TRMT1L: variants seen among roughly 807,000 people sequenced by gnomAD.
The protein encoded by TRMT1L is tRNA (guanine(27)-N(2))-dimethyltransferase.
A neutral mutation model predicts 81.6 loss-of-function variants in TRMT1L; 28 were observed. That is an observed-to-expected ratio of 0.34 (90% confidence interval 0.25 to 0.47). The LOEUF is 0.47. Among genes scored for constraint, TRMT1L ranks in the 20% least tolerant of loss-of-function variants. TRMT1L has a pLI of 1.00. For synonymous variants in TRMT1L, 301 were observed against 303.2 expected (o/e 0.99, Z 0.07); for missense variants, 739 against 877.1 (o/e 0.84, Z 1.99).
intron 10 of TRMT1L, among the ~76,000 whole-genome samples, chr1:185,133,601 T>TG (rs2102238841): frequency 6.6e-6 from 1 of 151,750 alleles, no homozygotes; most frequent in East Asian, 2.0e-4. Flanking sequence ...ACTTGCTTTT[T>TG]TTTTTTTTTT....
At position 185,119,023 on chromosome 1, in the gene TRMT1L, G is replaced by A. The variant is rs999830224; in HGVS notation, c.*996C>T. ...CCAAAATCTTATATTCAAATGAAGT[G>A]AGAATTCCATTAAGGAAACAATATT... On this transcript the variant is annotated 3_prime_UTR_variant, in exon 15 of 15. Coordinates refer to ENST00000367506, the MANE Select transcript of TRMT1L (RefSeq NM_030934.5). 2 of 151,528 alleles carry A rather than the reference G, an allele frequency of 1.3e-5. No individual in the cohort carries two copies. Among genetic ancestry groups the A allele is most frequent in the South Asian group, 2.1e-4 (1 of 4,818 alleles). The allele number at this position is 151,528 out of a possible 1,614,324, so 9.4% of individuals were successfully genotyped here. A position where few individuals can be genotyped will look rare whatever the true frequency, so the allele number is the denominator to read the frequency against.
intron 13 of TRMT1L, among the ~76,000 whole-genome samples, chr1:185,122,802 A>C (rs1299462825): frequency 6.7e-6 from 1 of 149,268 alleles, no homozygotes; most frequent in Non-Finnish European, 1.5e-5. Context: ...CTCCCACCTC[A>C]GCCTCTCAAG....
chr1:185,130,764 T>C (rs1363282665), intron 10 of TRMT1L, among the ~76,000 whole-genome samples: 1 of 152,200 alleles, frequency 6.6e-6, no homozygotes, highest in Non-Finnish European at 1.5e-5. Flanking sequence ...CCAGCAGTTT[T>C]AGTTACAGTT....
At position 185,147,213 on chromosome 1, in the gene TRMT1L, C is replaced by T. The variant is rs1653210793; in HGVS notation, c.494G>A (p.Arg165Gln). ...YRMCICHLPCRPVKPNIIGEQ... is the reference protein window; with the variant it reads ...YRMCICHLPCQPVKPNIIGEQ... ...TCCAATAATGTTTGGTTTCACTGGT[C>T]GACAAGGTAAGTGACAGATGCACAT... Residue 165 changes from arginine (R) to glutamine (Q), a missense_variant, in exon 4 of 15, where the codon CGA becomes CAA. Physicochemically the swap from Arg to Gln is conservative, Grantham distance 43. This residue lies in a region of TRMT1L where 331 missense variants were observed against 462.2 expected (regional missense o/e 0.72). Transcript: ENST00000367506. 3 of 1,610,410 alleles carry T rather than the reference C, an allele frequency of 1.9e-6. No homozygotes were observed. The highest frequency in any genetic ancestry group is 1.3e-5 in the African/African-American group (1 of 74,896).
At chr1:185,154,257 A>C (rs191930383) in intron 1 of TRMT1L, among the ~76,000 whole-genome samples, 1 of 152,314 alleles carries the variant, frequency 6.6e-6, no homozygotes, top group African/African-American at 2.4e-5. Flanking sequence ...GTAGTGGCTC[A>C]ATCATAGCTC....
In TRMT1L at chr1:185,125,029, G is replaced by A; in HGVS notation, c.1674C>T (p.Thr558=). The A allele has an allele frequency of 1.2e-6, 2 of 1,613,032 alleles. No individual in the cohort carries two copies. Among genetic ancestry groups the A allele is most frequent in the Non-Finnish European group, 1.7e-6 (2 of 1,179,444 alleles). The change falls in exon 12 of 15, where the codon ACC becomes ACT. Residue 558 remains threonine (T), a synonymous_variant. Transcript: ENST00000367506. ...ATTCAAAGATTAATGTCTTTATTAG[G>A]GTCTGAATGTCATCCAAACCATGGT... ...SLHHGLDDIQ[T]LIKTLIFESE...
In TRMT1L at chr1:185,118,800, T is replaced by A. The variant is rs1440509766; in HGVS notation, c.*1219A>T. 2 of 152,100 alleles carry A rather than the reference T, an allele frequency of 1.3e-5. No individual in the cohort carries two copies. Among genetic ancestry groups the A allele is most frequent in the Non-Finnish European group, 2.9e-5 (2 of 68,000 alleles). The allele number at this position is 152,100 out of a possible 1,614,324, so 9.4% of individuals were successfully genotyped here. On this transcript the variant is annotated 3_prime_UTR_variant, in exon 15 of 15. Transcript: ENST00000367506. ...TTCATCTAATGCCTATCCACTAGAT[T>A]TTTTTGTATATGTCACAGAAGTACT...
chr1:185,137,611 A>G lies in TRMT1L; in HGVS notation c.1508T>C (p.Val503Ala). 1 of 1,613,464 alleles carries G rather than the reference A, an allele frequency of 6.2e-7. No homozygotes were observed. The highest frequency in any genetic ancestry group is 8.5e-7 in the Non-Finnish European group (1 of 1,179,760). Residue 503 changes from valine to alanine, a missense_variant, in exon 10 of 15, where the codon GTA becomes GCA. Val to Ala is a moderately conservative substitution (Grantham distance 64). Around this residue, in one of 4 missense-constraint regions of TRMT1L, gnomAD observed 331 missense variants for 462.2 expected, o/e 0.72. Coordinates refer to ENST00000367506, the MANE Select transcript of TRMT1L (RefSeq NM_030934.5). ...AATATATAACTTGAATTTACCTTCTACCATATTACCATCCTTCTGAAAAAT... is the reference window on the plus strand; with the variant it reads ...AATATATAACTTGAATTTACCTTCTGCCATATTACCATCCTTCTGAAAAAT... ...ERIFQKDGNM[V>A]EENPYRQLPC...
chr1:185,140,053 T>C lies in TRMT1L; in HGVS notation c.1029A>G (p.Glu343=). Residue 343 remains glutamate, a synonymous_variant, in exon 8 of 15, where the codon GAA becomes GAG. Coordinates refer to ENST00000367506, the MANE Select transcript of TRMT1L (RefSeq NM_030934.5). ...EKEKSDDILE[E]GEKNLGNIKV... ...TAATATTACCAAGATTTTTCTCTCC[T>C]TCTTCAAGAATATCATCACTCTTTT... is the stretch of plus-strand genomic sequence containing the variant. The C allele has an allele frequency of 6.2e-7, 1 of 1,613,780 alleles. No homozygotes were observed. Among genetic ancestry groups the C allele is most frequent in the Non-Finnish European group, 8.5e-7 (1 of 1,179,816 alleles).
At chr1:185,138,037 C>T (rs186075858) in intron 9 of TRMT1L, among the ~76,000 whole-genome samples, 1 of 152,218 alleles carries the variant, frequency 6.6e-6, no homozygotes, top group East Asian at 1.9e-4. Flanking sequence ...CTTGCGATAT[C>T]CTCTCAATAG....
intron 10 of TRMT1L, among the ~76,000 whole-genome samples, chr1:185,129,614 A>G (rs1652720326): frequency 6.6e-6 from 1 of 152,180 alleles, no homozygotes; most frequent in African/African-American, 2.4e-5. Context: ...GACCTAATCA[A>G]TCAGTCCCAG....
chr1:185,139,855 A>C, intron 8 of TRMT1L, 118 bp downstream of exon 8: 1 of 1,225,786 alleles, frequency 8.2e-7, no homozygotes, highest in South Asian at 1.6e-5. Flanking sequence ...CCAATGTCAA[A>C]AAATGGCATT....
At chr1:185,137,424 T>G (rs778522347) in intron 10 of TRMT1L, 182 bp downstream of exon 10, 2 of 717,958 alleles carry the variant, frequency 2.8e-6, no homozygotes, top group Admixed American at 4.0e-5. Flanking sequence ...CATGAGTAAA[T>G]AACTTTAATA....
chr1:185,126,566 CA>C (rs1437094657), intron 11 of TRMT1L, among the ~76,000 whole-genome samples: 1 of 152,006 alleles, frequency 6.6e-6, no homozygotes, highest in Non-Finnish European at 1.5e-5. Flanking sequence ...AATATGTGAT[CA>C]ATATAAGATA....
intron 11 of TRMT1L, among the ~76,000 whole-genome samples, chr1:185,125,620 T>C (rs928991322): frequency 6.6e-6 from 1 of 152,192 alleles, no homozygotes; most frequent in African/African-American, 2.4e-5. Flanking sequence ...TAAAAGAATA[T>C]AAATGTATTT....
At chr1:185,120,348 A>T (rs1317691573) in intron 14 of TRMT1L, 35 bp downstream of exon 14, 7 of 1,466,966 alleles carry the variant, frequency 4.8e-6, no homozygotes, top group Non-Finnish European at 6.3e-6. Flanking sequence ...TAAAATATAA[A>T]ATATATATAC....
intron 10 of TRMT1L, among the ~76,000 whole-genome samples, chr1:185,136,867 G>A (rs1056061356): frequency 6.6e-6 from 1 of 152,226 alleles, no homozygotes; most frequent in South Asian, 2.1e-4. Flanking sequence ...TGGAGGAAAG[G>A]TGTACTATTC....
chr1:185,146,908 T>G (rs1653201019), intron 4 of TRMT1L, among the ~76,000 whole-genome samples: 1 of 152,092 alleles, frequency 6.6e-6, no homozygotes, highest in African/African-American at 2.4e-5. Flanking sequence ...ATTTTCCATT[T>G]CAAAATTAGT....
chr1:185,156,962 C>A (rs1388036607), upstream of TRMT1L: 13 of 562,860 alleles, frequency 2.3e-5, no homozygotes, highest in Non-Finnish European at 3.7e-5. Flanking sequence ...ACGACGCCAC[C>A]ACAAACTGCG....
Sources: gnomAD v4.1 joint callset for allele counts (sites outside exome capture counted in the v4.1 genomes callset) on GRCh38, gnomAD v4.1.1 for gene constraint, gnomAD v4.1.1 regional missense constraint, MANE v1.5 for transcripts, NCBI Gene and HGNC (gene_info 2026-07-23, HGNC 2026-07-21) for gene names.